CDH12: variants seen among roughly 807,000 people sequenced by gnomAD.
CDH12 encodes cadherin 12.
In CDH12, 41 loss-of-function variants were observed where a neutral mutation model predicts 74.1. The observed-to-expected ratio is 0.55, with a 90% CI of 0.43 to 0.72. The LOEUF (loss-of-function observed/expected upper bound fraction) is 0.72, where lower values mean the gene tolerates loss of function less well. CDH12 is among the 30% of genes least tolerant of loss of function. CDH12 has a pLI of 0.00. For synonymous variants in CDH12, 399 were observed against 355.0 expected, an observed-to-expected ratio of 1.12 and a Z score of -1.39; for missense variants, 945 against 977.2, an observed-to-expected ratio of 0.97 and a Z score of 0.44.
intron 4 of CDH12, among the ~76,000 whole-genome samples, chr5:22,172,905 G>A (rs1292408573): frequency 6.6e-6 from 1 of 151,376 alleles, no homozygotes; most frequent in Non-Finnish European, 1.5e-5. Context: ...TCCTAATTTT[G>A]TAATTCTGAG....
intron 3 of CDH12, among the ~76,000 whole-genome samples, chr5:22,273,878 C>T (rs1315932490): frequency 6.6e-6 from 1 of 152,122 alleles, no homozygotes; most frequent in Non-Finnish European, 1.5e-5. Context: ...TATAGAGAAG[C>T]ATTCTATCTT....
intron 1 of CDH12, among the ~76,000 whole-genome samples, chr5:22,560,353 T>A (rs1561490713): frequency 6.6e-6 from 1 of 152,170 alleles, no homozygotes; most frequent in Non-Finnish European, 1.5e-5. Flanking sequence ...GCGTGCTATC[T>A]GTTCATTAGT....
chr5:22,096,840 T>C (rs1561105770), intron 4 of CDH12, among the ~76,000 whole-genome samples: 1 of 152,132 alleles, frequency 6.6e-6, no homozygotes. Context: ...ATTCTCAATA[T>C]ACATTTTATT....
At chr5:22,374,487 G>A (rs897402415) in intron 3 of CDH12, among the ~76,000 whole-genome samples, 3 of 152,020 alleles carry the variant, frequency 2.0e-5, no homozygotes, top group African/African-American at 7.2e-5. Flanking sequence ...AGATATAAAA[G>A]TCATCCAAAT....
intron 1 of CDH12, among the ~76,000 whole-genome samples, chr5:22,732,393 A>G (rs1315723711): frequency 6.6e-6 from 1 of 151,546 alleles, no homozygotes; most frequent in African/African-American, 2.4e-5. Flanking sequence ...AGGTGTTTCG[A>G]CTTCAACATA....
chr5:22,700,600 T>C (rs975239414), intron 1 of CDH12, among the ~76,000 whole-genome samples: 1 of 152,244 alleles, frequency 6.6e-6, no homozygotes, highest in Non-Finnish European at 1.5e-5. Flanking sequence ...AAATGTTTTC[T>C]ATTCCTTTTG....
chr5:22,312,583 A>C (rs1283175379), intron 3 of CDH12, among the ~76,000 whole-genome samples: 1 of 152,210 alleles, frequency 6.6e-6, no homozygotes, highest in Non-Finnish European at 1.5e-5. Context: ...ACTGATAATA[A>C]TAAGGAACTT....
chr5:22,832,927 T>C (rs1282973333), intron 1 of CDH12, among the ~76,000 whole-genome samples: 1 of 152,208 alleles, frequency 6.6e-6, no homozygotes, highest in Non-Finnish European at 1.5e-5. Flanking sequence ...TCAGGTGTTT[T>C]TATTTAAATT....
At chr5:22,574,853 G>A (rs269871) in intron 1 of CDH12, among the ~76,000 whole-genome samples, 85,562 of 151,976 alleles carry the variant, frequency 0.56, 24,455 homozygotes, top group East Asian at 0.68. Flanking sequence ...ACTTTGTGAT[G>A]TTTATTATGT....
intron 1 of CDH12, among the ~76,000 whole-genome samples, chr5:22,554,286 A>G (rs572257967): frequency 1.5e-4 from 23 of 152,250 alleles, no homozygotes; most frequent in African/African-American, 5.3e-4. Flanking sequence ...ACCAAGAGTG[A>G]ACCCTAATGG....
intron 2 of CDH12, among the ~76,000 whole-genome samples, chr5:22,465,054 GA>G (rs1438446185): frequency 7.0e-5 from 9 of 129,120 alleles, no homozygotes; most frequent in East Asian, 5.6e-4. Flanking sequence ...GGGAGGAAGG[GA>G]GGGGGGGAAA....
intron 3 of CDH12, among the ~76,000 whole-genome samples, chr5:22,358,072 G>A (rs114299406): frequency 1.9e-4 from 29 of 152,178 alleles, no homozygotes; most frequent in African/African-American, 6.3e-4. Context: ...AGTTTTCTCT[G>A]GTGATACATC....
chr5:22,814,718 T>C (rs1003505782), intron 1 of CDH12, among the ~76,000 whole-genome samples: 3 of 152,168 alleles, frequency 2.0e-5, no homozygotes, highest in Admixed American at 6.5e-5. Flanking sequence ...TTTCGGAACA[T>C]AGCTATTAAC....
intron 2 of CDH12, among the ~76,000 whole-genome samples, chr5:22,477,387 T>G (rs1364847924): frequency 6.6e-6 from 1 of 152,204 alleles, no homozygotes; most frequent in Non-Finnish European, 1.5e-5. Context: ...GGCATCTAGC[T>G]CCATCCATGT....
chr5:22,093,406 A>G (rs560530778), intron 4 of CDH12, among the ~76,000 whole-genome samples: 3 of 152,220 alleles, frequency 2.0e-5, no homozygotes, highest in Non-Finnish European at 4.4e-5. Context: ...GCTCATTTAC[A>G]TAACACCATG....
chr5:22,364,485 G>C (rs923135480), intron 3 of CDH12, among the ~76,000 whole-genome samples: 1 of 152,160 alleles, frequency 6.6e-6, no homozygotes, highest in African/African-American at 2.4e-5. Flanking sequence ...GGTGTTCACA[G>C]GGGAGCTTTT....
At chr5:22,029,506 G>GA (rs1354163060) in intron 5 of CDH12, among the ~76,000 whole-genome samples, 1 of 150,642 alleles carries the variant, frequency 6.6e-6, no homozygotes, top group Non-Finnish European at 1.5e-5. Context: ...AAAAACACAT[G>GA]AAAAAATGCT....
intron 4 of CDH12, among the ~76,000 whole-genome samples, chr5:22,172,780 G>T (rs973529930): frequency 1.2e-4 from 18 of 151,620 alleles, no homozygotes; most frequent in South Asian, 4.2e-4. Flanking sequence ...TGGTGAGAAT[G>T]AATTCATTTA....
intron 1 of CDH12, among the ~76,000 whole-genome samples, chr5:22,512,451 G>A (rs941771440): frequency 3.9e-4 from 59 of 152,056 alleles, no homozygotes; most frequent in Non-Finnish European, 7.5e-4. Flanking sequence ...AAAAAATCAG[G>A]TAGTAGTTGT....
Sources: gnomAD v4.1 joint callset for allele counts (sites outside exome capture counted in the v4.1 genomes callset) on GRCh38, gnomAD v4.1.1 for gene constraint, MANE v1.5 for transcripts, NCBI Gene and HGNC (gene_info 2026-07-23, HGNC 2026-07-21) for gene names.